Variants in DEPTOR observed in about 807,000 individuals in gnomAD.
DEPTOR encodes the protein DEP domain containing MTOR interacting protein, also known as DEP domain-containing mTOR-interacting protein.
A neutral mutation model predicts 41.6 loss-of-function variants in DEPTOR; 41 were observed. The observed-to-expected ratio is 0.98, with a 90% CI of 0.77 to 1.28. The LOEUF (loss-of-function observed/expected upper bound fraction) is 1.28, where lower values mean the gene tolerates loss of function less well. Among genes scored for constraint, DEPTOR ranks in the 50% most tolerant of loss-of-function variants. The probability of loss-of-function intolerance (pLI) is 0.00; values close to 1 mark genes in which losing one functional copy is unlikely to be tolerated. For missense variants in DEPTOR, 514 were observed against 527.9 expected (o/e 0.97, Z 0.26); for synonymous variants, 195 against 192.3 (o/e 1.01, Z -0.12).
chr8:120,037,700 TCTC>T (rs908273289), intron 8 of DEPTOR, among the ~76,000 whole-genome samples: 8 of 152,110 alleles, frequency 5.3e-5, no homozygotes, highest in Non-Finnish European at 1.2e-4. Flanking sequence ...ACTTCCTCCT[TCTC>T]CTCTAGGTTG....
At chr8:119,949,374 C>T (rs914027526) in intron 3 of DEPTOR, among the ~76,000 whole-genome samples, 4 of 152,158 alleles carry the variant, frequency 2.6e-5, no homozygotes, top group African/African-American at 9.7e-5. Context: ...TTTCATTTCT[C>T]TTGGGCACAT....
intron 3 of DEPTOR, among the ~76,000 whole-genome samples, chr8:119,958,213 CAGCTGGGCTGGAAGG>C (rs1175385457): frequency 6.6e-6 from 1 of 152,166 alleles, no homozygotes; most frequent in Non-Finnish European, 1.5e-5. Context: ...GCTGAAGGGT[CAGCTGGGCTGGAAGG>C]TCCAGGATGC....
intron 1 of DEPTOR, among the ~76,000 whole-genome samples, chr8:119,916,280 T>TG (rs1563964764): frequency 2.1e-5 from 3 of 146,094 alleles, no homozygotes; most frequent in East Asian, 3.9e-4. Context: ...TTTTTTTTTT[T>TG]TTTTTTTTTT....
intron 4 of DEPTOR, among the ~76,000 whole-genome samples, chr8:119,973,144 G>C (rs949905699): frequency 6.6e-6 from 1 of 151,884 alleles, no homozygotes; most frequent in Non-Finnish European, 1.5e-5. Flanking sequence ...TCTCCATGTT[G>C]GTCAGGCTGC....
intron 8 of DEPTOR, among the ~76,000 whole-genome samples, chr8:120,023,715 T>G (rs867709): frequency 0.66 from 99,949 of 151,632 alleles, 33,652 homozygotes; most frequent in Middle Eastern, 0.75. Context: ...GATTTTTTTG[T>G]TTTTTTGTTT....
intron 1 of DEPTOR, among the ~76,000 whole-genome samples, chr8:119,923,087 C>T (rs1232879354): frequency 1.3e-5 from 2 of 152,048 alleles, no homozygotes; most frequent in Non-Finnish European, 2.9e-5. Flanking sequence ...CTGAAGATCA[C>T]CTAGGTCTTC....
chr8:120,020,000 C>G (rs984580557), intron 8 of DEPTOR, among the ~76,000 whole-genome samples: 2 of 152,162 alleles, frequency 1.3e-5, no homozygotes, highest in Admixed American at 6.6e-5. Flanking sequence ...CCCCCATCAC[C>G]AGCACTGCAT....
chr8:119,935,354 C>A (rs1411378931), intron 3 of DEPTOR, among the ~76,000 whole-genome samples: 3 of 152,150 alleles, frequency 2.0e-5, no homozygotes, highest in Non-Finnish European at 4.4e-5. Context: ...CTATCCGCGG[C>A]CTTAAGATGG....
chr8:119,980,296 A>G (rs1228387555), intron 4 of DEPTOR, among the ~76,000 whole-genome samples: 2 of 152,142 alleles, frequency 1.3e-5, no homozygotes, highest in African/African-American at 2.4e-5. Flanking sequence ...TGTTATACTA[A>G]GTCTTCAAAA....
At chr8:120,005,642 G>A (rs1812425284) in intron 6 of DEPTOR, among the ~76,000 whole-genome samples, 1 of 152,196 alleles carries the variant, frequency 6.6e-6, no homozygotes, top group African/African-American at 2.4e-5. Flanking sequence ...GGCACTTCAA[G>A]TTCACAATGT....
intron 4 of DEPTOR, among the ~76,000 whole-genome samples, chr8:119,973,846 C>A (rs971181302): frequency 3.9e-5 from 6 of 152,140 alleles, no homozygotes; most frequent in African/African-American, 1.2e-4. Flanking sequence ...CATACATTAT[C>A]TTTTTAATCC....
At chr8:120,022,157 T>TAAAA (rs34125548) in intron 8 of DEPTOR, among the ~76,000 whole-genome samples, 7 of 93,724 alleles carry the variant, frequency 7.5e-5, no homozygotes, top group African/African-American at 1.6e-4. Context: ...GACCCCATCT[T>TAAAA]AAAAAAAAAA....
chr8:120,012,790 C>T (rs948786401), intron 8 of DEPTOR, among the ~76,000 whole-genome samples: 2 of 152,108 alleles, frequency 1.3e-5, no homozygotes, highest in South Asian at 2.1e-4. Flanking sequence ...CTGCCTCGGC[C>T]TCCCAAAGTG....
At chr8:119,881,300 T>A (rs767611763) in intron 1 of DEPTOR, among the ~76,000 whole-genome samples, 2 of 152,132 alleles carry the variant, frequency 1.3e-5, no homozygotes, top group Non-Finnish European at 2.9e-5. Flanking sequence ...GGTGGGCAGA[T>A]CACTTGAGGT....
At chr8:120,029,647 C>T (rs1475067750) in intron 8 of DEPTOR, among the ~76,000 whole-genome samples, 6 of 152,120 alleles carry the variant, frequency 3.9e-5, no homozygotes, top group African/African-American at 1.2e-4. Flanking sequence ...CCACCCACCT[C>T]GGCCTCCCAA....
At chr8:120,032,386 A>G (rs1003062775) in intron 8 of DEPTOR, among the ~76,000 whole-genome samples, 2 of 151,730 alleles carry the variant, frequency 1.3e-5, no homozygotes, top group Non-Finnish European at 2.9e-5. Flanking sequence ...TTCCCAGTTA[A>G]TTTTTTGTAT....
chr8:119,935,152 A>G (rs1828092523), intron 3 of DEPTOR, among the ~76,000 whole-genome samples: 1 of 152,214 alleles, frequency 6.6e-6, no homozygotes, highest in African/African-American at 2.4e-5. Flanking sequence ...GGTGCAAAGA[A>G]TAAGGCATAG....
intron 4 of DEPTOR, among the ~76,000 whole-genome samples, chr8:119,979,175 A>G (rs1267054961): frequency 6.6e-6 from 1 of 152,224 alleles, no homozygotes; most frequent in Non-Finnish European, 1.5e-5. Flanking sequence ...GTGTTGATTA[A>G]TATTCATAAT....
chr8:120,001,635 C>T lies in DEPTOR; in HGVS notation c.715C>T (p.Gln239Ter), dbSNP rs758545020. The change falls in exon 5 of 9, where the codon CAG becomes TAG. Residue 239 changes from glutamine to a stop codon, truncating the protein, a stop_gained. Coordinates refer to ENST00000286234, the MANE Select transcript of DEPTOR (RefSeq NM_022783.4). LOFTEE classifies it high-confidence loss of function. ...ELLNEKSPSS[Q>*]ETHDSPFCLR... is the part of the protein sequence containing the mutation. ...GCTCAATGAAAAGTCCCCCTCCTCC[C>T]AGGAAACTCATGACAGTCCCTTCTG... 2.5e-6 allele frequency: 4 copies of T among 1,614,086 alleles called. No individual in the cohort carries two copies. The highest frequency in any genetic ancestry group is 2.5e-6 in the Non-Finnish European group (3 of 1,179,998).
Sources: gnomAD v4.1 joint callset for allele counts (sites outside exome capture counted in the v4.1 genomes callset) on GRCh38, gnomAD v4.1.1 for gene constraint, MANE v1.5 for transcripts, NCBI Gene and HGNC (gene_info 2026-07-23, HGNC 2026-07-21) for gene names.